CNTNAP2: variants seen among roughly 807,000 people sequenced by gnomAD.
CNTNAP2 encodes the protein contactin-associated protein-like 2.
A neutral mutation model predicts 155.2 loss-of-function variants in CNTNAP2; 98 were observed. The observed-to-expected ratio is 0.63, with a 90% CI of 0.54 to 0.75. The LOEUF is 0.75. Ranked by LOEUF, CNTNAP2 falls within the 30% of genes least tolerant of loss-of-function variation. The pLI is 0.00. For missense variants in CNTNAP2, 1,727 were observed against 1,688.1 expected, an observed-to-expected ratio of 1.02 and a Z score of -0.40; for synonymous variants, 651 against 631.2, an observed-to-expected ratio of 1.03 and a Z score of -0.47.
intron 16 of CNTNAP2, among the ~76,000 whole-genome samples, chr7:148,138,020 A>G (rs1049572492): frequency 2.0e-5 from 3 of 152,246 alleles, no homozygotes; most frequent in African/African-American, 7.2e-5. Context: ...AAAGGAAACA[A>G]TTTGTGGCAA....
intron 1 of CNTNAP2, among the ~76,000 whole-genome samples, chr7:146,559,369 A>T (rs1222515021): frequency 3.3e-5 from 5 of 152,018 alleles, no homozygotes; most frequent in Admixed American, 2.6e-4. Flanking sequence ...AGAGATAGAG[A>T]CTATCCTGGC....
chr7:146,345,314 C>T (rs1175117977), intron 1 of CNTNAP2, among the ~76,000 whole-genome samples: 1 of 152,026 alleles, frequency 6.6e-6, no homozygotes, highest in African/African-American at 2.4e-5. Flanking sequence ...ATTTGAGAGT[C>T]GAGGTGAAAG....
intron 8 of CNTNAP2, among the ~76,000 whole-genome samples, chr7:147,145,475 T>C (rs1182532291): frequency 3.9e-5 from 6 of 152,188 alleles, no homozygotes; most frequent in Middle Eastern, 3.4e-3. Context: ...CAAATGTCAA[T>C]AGCATGCAGG....
intron 15 of CNTNAP2, among the ~76,000 whole-genome samples, chr7:148,099,421 TTGTGTGTGTGTGTGTGTGTGTG>T (rs35957905): frequency 1.4e-5 from 2 of 140,966 alleles, no homozygotes. Context: ...AGCATTGCAA[TTGTGTGTGTGTGTGTGTGTGTG>T]TGTGTGTGTG....
chr7:148,091,855 A>G (rs1803847660), intron 15 of CNTNAP2, among the ~76,000 whole-genome samples: 1 of 152,182 alleles, frequency 6.6e-6, no homozygotes, highest in South Asian at 2.1e-4. Context: ...CTGCTTGGAA[A>G]TTGATGTATT....
chr7:146,597,153 C>T (rs1798874157), intron 1 of CNTNAP2, among the ~76,000 whole-genome samples: 1 of 152,004 alleles, frequency 6.6e-6, no homozygotes, highest in Non-Finnish European at 1.5e-5. Flanking sequence ...TCATAGGAGG[C>T]ATGGCATTGA....
chr7:147,612,212 A>G (rs1372619828), intron 12 of CNTNAP2, among the ~76,000 whole-genome samples: 3 of 152,158 alleles, frequency 2.0e-5, no homozygotes, highest in Admixed American at 6.5e-5. Context: ...GTTATTCAGG[A>G]AAGTACACAT....
intron 11 of CNTNAP2, 52 bp from the exon 12 acceptor site, chr7:147,562,086 G>A: frequency 6.2e-7 from 1 of 1,612,182 alleles, no homozygotes; most frequent in Non-Finnish European, 8.5e-7. Context: ...CATTTATCTG[G>A]GGAGCCATTT....
At chr7:147,774,958 G>C (rs1797535121) in intron 13 of CNTNAP2, among the ~76,000 whole-genome samples, 1 of 151,702 alleles carries the variant, frequency 6.6e-6, no homozygotes, top group Non-Finnish European at 1.5e-5. Flanking sequence ...TAACCACGTG[G>C]CAGTTCAGTG....
intron 1 of CNTNAP2, among the ~76,000 whole-genome samples, chr7:146,663,845 T>TTTTATTTA (rs1239692330): frequency 3.9e-5 from 6 of 152,106 alleles, no homozygotes; most frequent in African/African-American, 1.4e-4. Context: ...TGCCCCAATT[T>TTTTATTTA]TTTATTTATT....
At position 148,036,037 on chromosome 7, in the gene CNTNAP2, C is replaced by G. The variant is rs114352224; in HGVS notation, c.2383+58048C>G. Among the ~76,000 whole-genome samples, 925 of 152,286 alleles carry G rather than the reference C, an allele frequency of 6.1e-3. 12 individuals are homozygous for G. Among genetic ancestry groups the G allele is most frequent in the African/African-American group, 0.021 (868 of 41,568 alleles). The stretch of plus-strand genomic sequence containing the variant: ...CAAAATGGGCATGTCTATACTATGC[C>G]TGTTTTAGTTCTAGGATTATATTTT... On this transcript the variant is annotated intron_variant, in intron 15 of 23. Transcript: ENST00000361727.
intron 1 of CNTNAP2, among the ~76,000 whole-genome samples, chr7:146,253,640 G>C (rs1453963802): frequency 6.6e-6 from 1 of 152,188 alleles, no homozygotes; most frequent in Non-Finnish European, 1.5e-5. Flanking sequence ...ATTTAACAGA[G>C]AGATGGATCT....
At chr7:146,532,442 C>G (rs1019948282) in intron 1 of CNTNAP2, among the ~76,000 whole-genome samples, 3 of 152,016 alleles carry the variant, frequency 2.0e-5, no homozygotes, top group African/African-American at 7.2e-5. Context: ...ACATTTCTAA[C>G]TTTTTTTTCT....
intron 13 of CNTNAP2, among the ~76,000 whole-genome samples, chr7:147,898,521 G>A: frequency 6.9e-6 from 1 of 144,436 alleles, no homozygotes; most frequent in Admixed American, 6.9e-5. Context: ...CATATACCCA[G>A]ATTTTTTTTT....
At chr7:146,426,052 G>A (rs1639517) in intron 1 of CNTNAP2, among the ~76,000 whole-genome samples, 5,379 of 151,294 alleles carry the variant, frequency 0.036, 326 homozygotes, top group African/African-American at 0.12. Flanking sequence ...TGGCCGTGGC[G>A]GCGCAAGCCT....
chr7:147,571,251 C>G (rs56995516), intron 12 of CNTNAP2, among the ~76,000 whole-genome samples: 29,063 of 140,828 alleles, frequency 0.21, 3,357 homozygotes, highest in Admixed American at 0.28. Flanking sequence ...GGTATATCTC[C>G]TAATGCTATC....
At chr7:147,874,524 C>G (rs796238630) in intron 13 of CNTNAP2, among the ~76,000 whole-genome samples, 7 of 58,768 alleles carry the variant, frequency 1.2e-4, no homozygotes, top group African/African-American at 4.2e-4. Context: ...CACCAAGTCC[C>G]TAGGCTGCAC....
At chr7:146,516,179 T>C (rs1026438595) in intron 1 of CNTNAP2, among the ~76,000 whole-genome samples, 3 of 152,036 alleles carry the variant, frequency 2.0e-5, no homozygotes, top group African/African-American at 7.2e-5. Flanking sequence ...CAAGAGACTC[T>C]TTACTATCAT....
At chr7:147,188,492 A>G (rs1221734036) in intron 8 of CNTNAP2, among the ~76,000 whole-genome samples, 3 of 152,246 alleles carry the variant, frequency 2.0e-5, no homozygotes, top group Non-Finnish European at 4.4e-5. Flanking sequence ...CAAGAATTAT[A>G]GGGTGAATTA....
Sources: gnomAD v4.1 joint callset for allele counts (sites outside exome capture counted in the v4.1 genomes callset) on GRCh38, gnomAD v4.1.1 for gene constraint, MANE v1.5 for transcripts, NCBI Gene and HGNC (gene_info 2026-07-23, HGNC 2026-07-21) for gene names.